CDH23: variants seen among roughly 807,000 people sequenced by gnomAD.
The protein encoded by CDH23 is cadherin-23.
In CDH23, 189 loss-of-function variants were observed where a neutral mutation model predicts 317.1. That is an observed-to-expected ratio of 0.60 (90% CI 0.53 to 0.67). The LOEUF is 0.67. CDH23 is among the 30% of genes least tolerant of loss of function. CDH23 has a pLI of 0.00. For missense variants in CDH23, 4,401 were observed against 4,592.4 expected (o/e 0.96, Z 1.20); for synonymous variants, 1,839 against 1,876.8 (o/e 0.98, Z 0.52).
At chr10:71,738,350 C>A in intron 34 of CDH23, 148 bp from the exon 35 acceptor site, 1 of 884,098 alleles carries the variant, frequency 1.1e-6, no homozygotes, top group South Asian at 1.5e-5. Flanking sequence ...TTTGTAAAGT[C>A]AGGATAGGCT....
At chr10:71,732,433 C>T (rs1839423773) in intron 32 of CDH23, 58 bp downstream of exon 32, 1 of 1,546,394 alleles carries the variant, frequency 6.5e-7, no homozygotes, top group Non-Finnish European at 8.7e-7. Context: ...ATTGGTTGAG[C>T]TCCTTCTGTG....
intron 18 of CDH23, among the ~76,000 whole-genome samples, chr10:71,686,317 G>A (rs113334257): frequency 6.6e-6 from 1 of 152,070 alleles, no homozygotes; most frequent in Non-Finnish European, 1.5e-5. Context: ...CAGGGGAGAT[G>A]CCCAGGCACG....
chr10:71,808,043 T>C, intron 60 of CDH23, 36 bp downstream of exon 60: 1 of 1,559,758 alleles, frequency 6.4e-7, no homozygotes, highest in Non-Finnish European at 8.7e-7. Flanking sequence ...CCTCTAGCCA[T>C]GACCTCTCAG....
chr10:71,581,873 C>T (rs1858663521), intron 9 of CDH23, among the ~76,000 whole-genome samples: 1 of 152,234 alleles, frequency 6.6e-6, no homozygotes, highest in African/African-American at 2.4e-5. Flanking sequence ...CAGCCACAGT[C>T]CTCCTTCAAG....
intron 1 of CDH23, among the ~76,000 whole-genome samples, chr10:71,430,969 G>A (rs1029672431): frequency 3.3e-5 from 5 of 152,190 alleles, no homozygotes; most frequent in Admixed American, 2.6e-4. Context: ...AAAGCTAGGA[G>A]TCGGATAGCA....
At chr10:71,416,077 T>A (rs1219012420) in intron 1 of CDH23, among the ~76,000 whole-genome samples, 1 of 152,238 alleles carries the variant, frequency 6.6e-6, no homozygotes, top group East Asian at 1.9e-4. Context: ...GGTTATTGAG[T>A]GCAGTGGCAT....
At chr10:71,803,642 A>G (rs1841623057) in intron 55 of CDH23, among the ~76,000 whole-genome samples, 1 of 152,016 alleles carries the variant, frequency 6.6e-6, no homozygotes, top group Admixed American at 6.6e-5. Flanking sequence ...GGCAGTATTG[A>G]ACAGTGGTTA....
intron 38 of CDH23, among the ~76,000 whole-genome samples, chr10:71,768,298 G>A (rs1234096672): frequency 6.6e-6 from 1 of 152,036 alleles, no homozygotes; most frequent in African/African-American, 2.4e-5. Context: ...AGCCTCCCGA[G>A]TAGCTGGGAC....
At chr10:71,689,977 C>T (rs1335936468) in intron 19 of CDH23, among the ~76,000 whole-genome samples, 1 of 151,842 alleles carries the variant, frequency 6.6e-6, no homozygotes, top group Non-Finnish European at 1.5e-5. Context: ...CAGGATTTCA[C>T]GGAACTGGAA....
At chr10:71,659,291 T>G (rs965699994) in intron 14 of CDH23, among the ~76,000 whole-genome samples, 1 of 152,042 alleles carries the variant, frequency 6.6e-6, no homozygotes. Flanking sequence ...GCTAGGAAGG[T>G]TATGAGCCCT....
chr10:71,597,796 C>G (rs868786272), intron 9 of CDH23, among the ~76,000 whole-genome samples: 2 of 152,202 alleles, frequency 1.3e-5, no homozygotes, highest in Non-Finnish European at 2.9e-5. Flanking sequence ...AGGCACCTCT[C>G]GTACTCACTG....
At chr10:71,620,363 C>T (rs569611234) in intron 11 of CDH23, among the ~76,000 whole-genome samples, 12 of 152,266 alleles carry the variant, frequency 7.9e-5, no homozygotes, top group Admixed American at 5.9e-4. Context: ...ATTCAGGAGC[C>T]GCAGCTCCTG....
Position 71,725,520 on chromosome 10 carries a change from G to T in CDH23, c.3579G>T (p.Arg1193Ser). 2 of 1,612,588 alleles carry T rather than the reference G, an allele frequency of 1.2e-6. No homozygotes were observed. Among genetic ancestry groups the T allele is most frequent in the Non-Finnish European group, 1.7e-6 (2 of 1,179,320 alleles). Residue 1193 changes from arginine (R) to serine (S), a missense_variant and splice_region_variant, in exon 30 of 70, where the codon AGG (arginine) becomes AGT (serine). Coordinates refer to ENST00000224721, the MANE Select transcript of CDH23 (RefSeq NM_022124.6). ...HDLGPMRSSV[R>S]VIVYVEDIND... ...TGGGCCCCATGCGGAGCTCCGTCAGGGTGAGGCTAGGGGCGGGCTGGGGTG... is the reference window on the plus strand; with the variant it reads ...TGGGCCCCATGCGGAGCTCCGTCAGTGTGAGGCTAGGGGCGGGCTGGGGTG...
intron 3 of CDH23, among the ~76,000 whole-genome samples, chr10:71,493,935 A>G (rs1852808802): frequency 6.6e-6 from 1 of 152,230 alleles, no homozygotes; most frequent in African/African-American, 2.4e-5. Context: ...CTCATCATTC[A>G]GCACTTCCTT....
chr10:71,601,030 A>G (rs1860185640), intron 9 of CDH23, among the ~76,000 whole-genome samples: 1 of 152,076 alleles, frequency 6.6e-6, no homozygotes, highest in Admixed American at 6.5e-5. Context: ...TGCTTAACCA[A>G]ATCTGTAGTT....
At chr10:71,468,494 C>G (rs1851359663) in intron 3 of CDH23, among the ~76,000 whole-genome samples, 2 of 152,092 alleles carry the variant, frequency 1.3e-5, no homozygotes, top group African/African-American at 4.8e-5. Context: ...ATGCTTGGTC[C>G]CCTAAAAAGA....
rs747391147 is a variant in CDH23, at chr10:71,808,025, A to C, written c.8722+18A>C. On this transcript the variant is annotated intron_variant, in intron 60 of 69. Coordinates refer to ENST00000224721, the MANE Select transcript of CDH23 (RefSeq NM_022124.6). Reference sequence around the variant, plus strand: ...CACCATGGGTAGGGCCTGGCAGCACATGAGTGGCCTCTAGCCATGACCTCT... The same window carrying C: ...CACCATGGGTAGGGCCTGGCAGCACCTGAGTGGCCTCTAGCCATGACCTCT... 1.3e-6 allele frequency: 2 copies of C among 1,570,066 alleles called. No homozygotes were observed. The highest frequency in any genetic ancestry group is 1.2e-5 in the South Asian group (1 of 85,510).
chr10:71,481,189 A>G (rs1045544454), intron 3 of CDH23, among the ~76,000 whole-genome samples: 19 of 152,226 alleles, frequency 1.2e-4, no homozygotes, highest in African/African-American at 4.6e-4. Context: ...TCATGGGTGC[A>G]CTGGCTTATC....
At chr10:71,401,527 C>T (rs1310460069) in intron 1 of CDH23, among the ~76,000 whole-genome samples, 1 of 152,214 alleles carries the variant, frequency 6.6e-6, no homozygotes, top group Non-Finnish European at 1.5e-5. Context: ...AGTTTTAACT[C>T]TTCATGGTGG....
Sources: gnomAD v4.1 joint callset for allele counts (sites outside exome capture counted in the v4.1 genomes callset) on GRCh38, gnomAD v4.1.1 for gene constraint, MANE v1.5 for transcripts, NCBI Gene and HGNC (gene_info 2026-07-23, HGNC 2026-07-21) for gene names.